Variants in NT5C1A observed in about 807,000 individuals in gnomAD.
The protein encoded by NT5C1A is cytosolic 5'-nucleotidase 1A.
NT5C1A carries 18 observed loss-of-function variants against 31.0 expected under a neutral mutation model. That is an observed-to-expected ratio of 0.58 (90% CI 0.40 to 0.86). The LOEUF (loss-of-function observed/expected upper bound fraction) is 0.86. NT5C1A is among the 40% of genes least tolerant of loss of function. The pLI, the probability that NT5C1A is intolerant of heterozygous loss-of-function variation, is 0.00. For synonymous variants in NT5C1A, 185 were observed against 203.6 expected, an observed-to-expected ratio of 0.91 and a Z score of 0.78; for missense variants, 470 against 505.4, an observed-to-expected ratio of 0.93 and a Z score of 0.67.
At chr1:39,660,914 G>T (rs570973460) in intron 5 of NT5C1A, among the ~76,000 whole-genome samples, 165 bp downstream of exon 5, 3 of 152,102 alleles carry the variant, frequency 2.0e-5, no homozygotes, top group Admixed American at 6.5e-5. Context: ...GCAGGTGGAA[G>T]CTCATTGATG....
chr1:39,658,134 T>G lies in NT5C1A; in HGVS notation c.*987A>C, dbSNP rs1180178702. On this transcript the variant is annotated 3_prime_UTR_variant, in exon 6 of 6. Coordinates refer to ENST00000235628, the MANE Select transcript of NT5C1A (RefSeq NM_032526.3). ...GAGGGTCTTGGCAGGCAAGAGCAAC[T>G]GAACTTCGGCTCAAAGCAAGAGCAA... is the stretch of plus-strand genomic sequence containing the variant. Among the ~76,000 whole-genome samples, 3 of 152,196 alleles carry G rather than the reference T, an allele frequency of 2.0e-5. No individual in the cohort carries two copies. Among genetic ancestry groups the G allele is most frequent in the African/African-American group, 7.2e-5 (3 of 41,440 alleles).
In NT5C1A at chr1:39,666,197, G is replaced by T. The variant is rs772134054; in HGVS notation, c.175C>A (p.Arg59=). 4 of 1,613,502 alleles carry T rather than the reference G, an allele frequency of 2.5e-6. No homozygotes were observed. The highest frequency in any genetic ancestry group is 1.7e-5 in the Admixed American group (1 of 60,004). ...TCCTCGTCCATGCGAAACAAGGCTC[G>T]GGAGGACACAGCGATGGTGACTGCA... ...QNAVTIAVSS[R]ALFRMDEEQQ... Residue 59 remains arginine, a synonymous_variant, in exon 2 of 6, where the codon CGA becomes AGA. Transcript: ENST00000235628.
chr1:39,669,798 C>G (rs1465499550), intron 1 of NT5C1A, among the ~76,000 whole-genome samples: 3 of 152,234 alleles, frequency 2.0e-5, no homozygotes, highest in Non-Finnish European at 4.4e-5. Flanking sequence ...ATCCAGCTTC[C>G]TCTTCAGAGA....
At chr1:39,665,924 ACT>A (rs1646519184) in intron 2 of NT5C1A, 143 bp downstream of exon 2, 1 of 797,840 alleles carries the variant, frequency 1.3e-6, no homozygotes, top group Non-Finnish European at 2.0e-6. Flanking sequence ...TTCCCAAAAG[ACT>A]CTGTCACCTA....
At chr1:39,666,660 G>A (rs1032641529) in intron 1 of NT5C1A, among the ~76,000 whole-genome samples, 1 of 152,160 alleles carries the variant, frequency 6.6e-6, no homozygotes, top group Non-Finnish European at 1.5e-5. Flanking sequence ...TATAAAAAAT[G>A]TATCTGCAAC....
chr1:39,666,368 C>T, intron 1 of NT5C1A, 132 bp from the exon 2 acceptor site: 1 of 843,506 alleles, frequency 1.2e-6, no homozygotes, highest in Admixed American at 2.6e-5. Flanking sequence ...GAGGCCCAGC[C>T]TTGAGCAGAT....
chr1:39,672,101 C>A lies in NT5C1A; in HGVS notation c.-63G>T, dbSNP rs1472015100. 5.6e-6 allele frequency: 8 copies of A among 1,429,548 alleles called. No individual in the cohort carries two copies. Among genetic ancestry groups the A allele is most frequent in the Non-Finnish European group, 5.5e-6 (6 of 1,083,734 alleles). 88.6% of individuals were successfully genotyped at this position (1,429,548 alleles called of 1,614,324 possible). A position where few individuals can be genotyped will look rare whatever the true frequency, so the allele number is the denominator to read the frequency against. ...GGCGTAGACGCGGAGGTGGCTGGGG[C>A]TGGGCTGCAGGAGGGAGGCGAGTCC... is the stretch of plus-strand genomic sequence containing the variant. On this transcript the variant is annotated 5_prime_UTR_variant, in exon 1 of 6. Coordinates refer to ENST00000235628, the MANE Select transcript of NT5C1A (RefSeq NM_032526.3).
At chr1:39,666,566 G>A (rs1455361693) in intron 1 of NT5C1A, among the ~76,000 whole-genome samples, 1 of 152,214 alleles carries the variant, frequency 6.6e-6, no homozygotes, top group Non-Finnish European at 1.5e-5. Context: ...GACTGATGCT[G>A]GAGATGATCT....
Position 39,652,735 on chromosome 1 carries a change from A to C in NT5C1A, c.*6386T>G, listed in dbSNP as rs1412022137. 6.6e-6 allele frequency among the ~76,000 whole-genome samples: 1 copy of C among 152,160 alleles called. No individual in the cohort carries two copies. The highest frequency in any genetic ancestry group is 1.9e-4 in the East Asian group (1 of 5,180). ...CACTTTGCAAAGATGAGTAACTGAA[A>C]AGTTCCCAGCCACATTTCACTTTTA... On this transcript the variant is annotated 3_prime_UTR_variant, in exon 6 of 6. Coordinates refer to ENST00000235628, the MANE Select transcript of NT5C1A (RefSeq NM_032526.3).
intron 4 of NT5C1A, 117 bp from the exon 5 acceptor site, chr1:39,661,380 G>T: frequency 1.9e-6 from 1 of 515,722 alleles, no homozygotes; most frequent in Non-Finnish European, 3.6e-6. Context: ...CAAGGCTGAT[G>T]AAAACTAATA....
chr1:39,656,620 C>T lies in NT5C1A; in HGVS notation c.*2501G>A, dbSNP rs367730814. On this transcript the variant is annotated 3_prime_UTR_variant, in exon 6 of 6. Coordinates refer to ENST00000235628, the MANE Select transcript of NT5C1A (RefSeq NM_032526.3). ...ATGGAATCATCAGTGGTGTTCATCA[C>T]CAGGCCCTGGGGGCAAGACCACACA... Among the ~76,000 whole-genome samples the T allele has an allele frequency of 6.6e-5, 10 of 152,382 alleles. No individual in the cohort carries two copies. The East Asian group carries it at 9.6e-4, about 15-fold the overall frequency.
chr1:39,663,066 G>A (rs1646499919), intron 4 of NT5C1A, among the ~76,000 whole-genome samples: 1 of 152,242 alleles, frequency 6.6e-6, no homozygotes, highest in Admixed American at 6.5e-5. Flanking sequence ...ACAGAAGGCT[G>A]GGTGATGCTG....
Position 39,658,885 on chromosome 1 carries a change from A to G in NT5C1A, c.*236T>C, listed in dbSNP as rs1381162154. Among the ~76,000 whole-genome samples the G allele has an allele frequency of 6.6e-6, 1 of 151,850 alleles. No homozygotes were observed. Among genetic ancestry groups the G allele is most frequent in the African/African-American group, 2.4e-5 (1 of 41,332 alleles). ...TTAACTTCCCCCCTGAAATCCAGCT[A>G]CTCTGCACAGTCCTACTCTCCTACT... is the stretch of plus-strand genomic sequence containing the variant. On this transcript the variant is annotated 3_prime_UTR_variant, in exon 6 of 6. Coordinates refer to ENST00000235628, the MANE Select transcript of NT5C1A (RefSeq NM_032526.3).
Position 39,666,156 on chromosome 1 carries a change from C to G in NT5C1A, c.216G>C (p.Thr72=). The G allele has an allele frequency of 6.2e-7, 1 of 1,613,634 alleles. No homozygotes were observed. Among genetic ancestry groups the G allele is most frequent in the Non-Finnish European group, 8.5e-7 (1 of 1,180,010 alleles). Residue 72 remains threonine, a synonymous_variant, in exon 2 of 6, where the codon ACG becomes ACC. Transcript: ENST00000235628. The part of the protein sequence containing the change: ...FRMDEEQQIY[T]EQGVEEYVRY... ...GCACGTACTCCTCCACGCCCTGCTC[C>G]GTGTAGATCTGCTGCTCCTCGTCCA...
In NT5C1A at chr1:39,661,136, G is replaced by T; in HGVS notation, c.684C>A (p.His228Gln). Residue 228 changes from histidine (H) to glutamine (Q), a missense_variant, in exon 5 of 6, where the codon CAC (histidine) becomes CAA (glutamine). Transcript: ENST00000235628. ...SDESERIVKA[H>Q]GLDRFFEHEK... Reference sequence around the variant, plus strand: ...CATGCTCGAAGAATCGGTCCAGCCCGTGGGCCTTGACGATGCGCTCCGACT... The same window carrying T: ...CATGCTCGAAGAATCGGTCCAGCCCTTGGGCCTTGACGATGCGCTCCGACT... The T allele has an allele frequency of 6.3e-7, 1 of 1,596,756 alleles. No individual in the cohort carries two copies. Among genetic ancestry groups the T allele is most frequent in the Non-Finnish European group, 8.6e-7 (1 of 1,165,746 alleles).
rs1646444446 is a variant in NT5C1A at position 39,653,662 on chromosome 1, A to T, written c.*5459T>A. On this transcript the variant is annotated 3_prime_UTR_variant, in exon 6 of 6. Coordinates refer to ENST00000235628, the MANE Select transcript of NT5C1A (RefSeq NM_032526.3). ...GGGAGAGAAAAGTAAATCAGTGGGT[A>T]GAATCACTTGACTACTGCCAGCAGC... Among the ~76,000 whole-genome samples the T allele has an allele frequency of 2.6e-5, 4 of 152,340 alleles. No homozygotes were observed. In the South Asian group the frequency reaches 8.3e-4, roughly 32 times the overall value.
rs965781187 is a variant in NT5C1A at position 39,657,978 on chromosome 1, T to C, written c.*1143A>G. ...CTGGGGCTCAGCCTGGACAACCGCCTACCTCAGCCACTGCACTTTCTTCCC... is the reference window on the plus strand; with the variant it reads ...CTGGGGCTCAGCCTGGACAACCGCCCACCTCAGCCACTGCACTTTCTTCCC... On this transcript the variant is annotated 3_prime_UTR_variant, in exon 6 of 6. Coordinates refer to ENST00000235628, the MANE Select transcript of NT5C1A (RefSeq NM_032526.3). 5.3e-5 allele frequency among the ~76,000 whole-genome samples: 8 copies of C among 152,142 alleles called. No homozygotes were observed. Among genetic ancestry groups the C allele is most frequent in the African/African-American group, 1.9e-4 (8 of 41,428 alleles).
chr1:39,659,181 A>G lies in NT5C1A; in HGVS notation c.1047T>C (p.Tyr349=), dbSNP rs375243073. The G allele has an allele frequency of 4.3e-6, 7 of 1,614,000 alleles. No individual in the cohort carries two copies. Among genetic ancestry groups the G allele is most frequent in the Admixed American group, 1.7e-5 (1 of 60,036 alleles). Residue 349 remains tyrosine (Y), a synonymous_variant, in exon 6 of 6, where the codon TAT becomes TAC. Transcript: ENST00000235628. ...EMGTVAAHVP[Y]GVAQTPRRTA... is the part of the protein sequence containing the mutation. The stretch of plus-strand genomic sequence containing the variant: ...TCCGCCGGGGTGTCTGTGCCACACC[A>G]TAAGGCACATGGGCGGCCACAGTGC...
rs147833885 is a variant in NT5C1A, at chr1:39,665,388, C to T, written c.433+133G>A. On this transcript the variant is annotated intron_variant, in intron 3 of 5. Transcript: ENST00000235628. Reference sequence around the variant, plus strand: ...GGGTTTTGTTTGTTTGTTTAAAGAGCGAATTTACCAGCACACACTGGACTT... The same window carrying T: ...GGGTTTTGTTTGTTTGTTTAAAGAGTGAATTTACCAGCACACACTGGACTT... The T allele has an allele frequency of 1.3e-3, 993 of 783,554 alleles. 8 individuals are homozygous for T. The African/African-American group carries it at 0.016, about 13-fold the overall frequency. The allele number at this position is 783,554 out of a possible 1,614,324, so 48.5% of individuals were successfully genotyped here. A position where few individuals can be genotyped will look rare whatever the true frequency, so the allele number is the denominator to read the frequency against.
Sources: gnomAD v4.1 joint callset for allele counts (sites outside exome capture counted in the v4.1 genomes callset) on GRCh38, gnomAD v4.1.1 for gene constraint, MANE v1.5 for transcripts, NCBI Gene and HGNC (gene_info 2026-07-23, HGNC 2026-07-21) for gene names.